The following STK24 variants were observed in gnomAD, a reference collection of about 807,000 sequenced individuals.
STK24 encodes serine/threonine-protein kinase 24.
STK24 carries 21 observed loss-of-function variants against 55.6 expected under a neutral mutation model. The ratio of observed to expected loss-of-function variants is 0.38; its 90% CI spans 0.27 to 0.54. The LOEUF is 0.54. Ranked by LOEUF, STK24 falls within the 20% of genes least tolerant of loss-of-function variation. STK24 has a pLI of 0.79. For missense variants in STK24, 383 were observed against 538.4 expected (o/e 0.71, Z 2.86); for synonymous variants, 200 against 215.2 (o/e 0.93, Z 0.62).
In STK24 at chr13:98,523,672, A is replaced by G. The variant is rs541639348; in HGVS notation, c.43-4199T>C. Among the ~76,000 whole-genome samples, 5 of 152,354 alleles carry G rather than the reference A, an allele frequency of 3.3e-5. No homozygotes were observed. The South Asian group carries it at 1.0e-3, about 32-fold the overall frequency. ...GAGCTCCCAGGATGTGCCTCAAGTCATCCTGGGCCACCTGGCCTCAACCAT... is the reference window on the plus strand; with the variant it reads ...GAGCTCCCAGGATGTGCCTCAAGTCGTCCTGGGCCACCTGGCCTCAACCAT... On this transcript the variant is annotated intron_variant, in intron 1 of 10. Coordinates refer to ENST00000539966, the MANE Select transcript of STK24 (RefSeq NM_001032296.4).
intron 2 of STK24, among the ~76,000 whole-genome samples, chr13:98,506,584 A>T (rs564023858): frequency 5.9e-5 from 9 of 152,338 alleles, no homozygotes; most frequent in Admixed American, 5.2e-4. Flanking sequence ...TCCGTTATCA[A>T]TCACACAGTG....
At chr13:98,520,070 A>T (rs1282310780) in intron 1 of STK24, among the ~76,000 whole-genome samples, 1 of 152,226 alleles carries the variant, frequency 6.6e-6, no homozygotes, top group East Asian at 1.9e-4. Flanking sequence ...AATAGCCTCT[A>T]AAAGCTCTTA....
chr13:98,576,626 G>A (rs997907984), intron 1 of STK24, 119 bp downstream of exon 1: 16 of 811,552 alleles, frequency 2.0e-5, no homozygotes, highest in Admixed American at 4.4e-5. Flanking sequence ...GGCGCGCGGG[G>A]AGCCAGGCTC....
intron 2 of STK24, among the ~76,000 whole-genome samples, chr13:98,515,508 A>C (rs895222519): frequency 6.6e-6 from 1 of 150,836 alleles, no homozygotes; most frequent in Admixed American, 6.6e-5. Context: ...TCAGATCCAT[A>C]AATATTGGGG....
intron 1 of STK24, among the ~76,000 whole-genome samples, chr13:98,534,873 C>G (rs574667441): frequency 1.5e-4 from 23 of 152,324 alleles, no homozygotes; most frequent in Middle Eastern, 3.4e-3. Context: ...ATTTGAGTAA[C>G]AATAAAACTC....
chr13:98,479,585 G>A (rs1894509723), intron 3 of STK24, among the ~76,000 whole-genome samples: 1 of 152,098 alleles, frequency 6.6e-6, no homozygotes, highest in Non-Finnish European at 1.5e-5. Context: ...GCTCTGATAC[G>A]TGGGGCCCGA....
intron 1 of STK24, among the ~76,000 whole-genome samples, chr13:98,551,817 C>T (rs1284559536): frequency 6.6e-6 from 1 of 152,178 alleles, no homozygotes. Context: ...TCCCCAGGCT[C>T]CACCATGGTG....
rs778057170 is a variant in STK24, at chr13:98,453,091, G to A, written c.*82C>T. 42 of 1,549,270 alleles carry A rather than the reference G, an allele frequency of 2.7e-5. No individual in the cohort carries two copies. In the East Asian group the frequency reaches 5.2e-4, roughly 19 times the overall value. On this transcript the variant is annotated 3_prime_UTR_variant, in exon 11 of 11. Coordinates refer to ENST00000539966, the MANE Select transcript of STK24 (RefSeq NM_001032296.4). ...GGCGCACCTCTTCGGTGGAGTCAGC[G>A]AAGGCTCTCGTTGACTTTTAAAAAA...
At chr13:98,489,735 G>A (rs1002589638) in intron 2 of STK24, among the ~76,000 whole-genome samples, 1 of 152,192 alleles carries the variant, frequency 6.6e-6, no homozygotes, top group African/African-American at 2.4e-5. Flanking sequence ...GTGGAGAAGA[G>A]GAGGAAAAAT....
intron 1 of STK24, among the ~76,000 whole-genome samples, chr13:98,570,560 G>A (rs1897714992): frequency 6.6e-6 from 1 of 152,158 alleles, no homozygotes. Context: ...AACAGAAAAG[G>A]TTTCTTTTGC....
intron 1 of STK24, among the ~76,000 whole-genome samples, chr13:98,524,841 T>C (rs1478258913): frequency 1.3e-5 from 2 of 152,200 alleles, no homozygotes; most frequent in East Asian, 3.9e-4. Context: ...ACTCTTTTAC[T>C]ATTGTCCCAA....
chr13:98,530,189 C>T (rs1195675976), intron 1 of STK24, among the ~76,000 whole-genome samples: 1 of 152,116 alleles, frequency 6.6e-6, no homozygotes, highest in African/African-American at 2.4e-5. Flanking sequence ...GACAGAAACA[C>T]ACACAAATAC....
At chr13:98,535,405 AC>A (rs1896701821) in intron 1 of STK24, among the ~76,000 whole-genome samples, 1 of 16,200 alleles carries the variant, frequency 6.2e-5, no homozygotes, top group Non-Finnish European at 2.6e-4. Context: ...GTATACACAC[AC>A]ACACACACAC....
intron 1 of STK24, 105 bp downstream of exon 1, chr13:98,576,640 C>T (rs1406850824): frequency 1.1e-5 from 11 of 1,009,900 alleles, no homozygotes; most frequent in South Asian, 3.5e-5. Flanking sequence ...CAGGCTCCGG[C>T]GCGACCCCGG....
At chr13:98,460,685 T>C (rs1594573366) in intron 8 of STK24, among the ~76,000 whole-genome samples, 1 of 152,078 alleles carries the variant, frequency 6.6e-6, no homozygotes, top group African/African-American at 2.4e-5. Flanking sequence ...CTGGGTTCCA[T>C]GTGGAAGGGG....
At chr13:98,521,975 C>G (rs1412062371) in intron 1 of STK24, 1 of 1,420,830 alleles carries the variant, frequency 7.0e-7, no homozygotes. Context: ...TTAAAACAAA[C>G]GAAAGCACTC....
rs757647760 is a variant in STK24, at chr13:98,466,591, C to G, written c.598-30G>C. The G allele has an allele frequency of 2.5e-6, 4 of 1,608,178 alleles. No individual in the cohort carries two copies. In the African/African-American group the frequency reaches 5.3e-5, roughly 21 times the overall value. ...AACAAGAAAAGCATCTTTACAAACA[C>G]CAAGCAGGAATCTATTCCAATACAC... On this transcript the variant is annotated intron_variant, in intron 5 of 10. Transcript: ENST00000539966.
intron 2 of STK24, among the ~76,000 whole-genome samples, chr13:98,493,839 ATTT>A (rs781025749): frequency 7.1e-6 from 1 of 141,512 alleles, no homozygotes; most frequent in Admixed American, 7.0e-5. Flanking sequence ...CAAAAAAAAA[ATTT>A]TTTTTTTTTT....
At position 98,503,773 on chromosome 13, in the gene STK24, T is replaced by C. The variant is rs118179823; in HGVS notation, c.273+15470A>G. 5.2e-3 allele frequency among the ~76,000 whole-genome samples: 797 copies of C among 152,320 alleles called. 3 individuals carry two copies. Among genetic ancestry groups the C allele is most frequent in the Non-Finnish European group, 9.2e-3 (625 of 68,034 alleles). ...ATAAGAGACAGAAAAAAGGTTAACA[T>C]TGAAGATTTTTCCTTTTTTAAAACT... On this transcript the variant is annotated intron_variant, in intron 2 of 10. Transcript: ENST00000539966.
Sources: allele counts gnomAD v4.1 joint callset (sites outside exome capture counted in the v4.1 genomes callset), GRCh38; gene constraint gnomAD v4.1.1; transcripts MANE v1.5; gene names NCBI Gene and HGNC (gene_info 2026-07-23, HGNC 2026-07-21).